Variants in TLL1 observed in about 807,000 individuals in gnomAD.
TLL1 encodes the protein tolloid-like protein 1.
Under a neutral mutation model 128.2 loss-of-function variants are expected in TLL1, and 49 were observed. The observed-to-expected ratio is 0.38, with a 90% confidence interval of 0.30 to 0.48. TLL1 has a LOEUF of 0.48. Ranked by LOEUF, TLL1 falls within the 20% of genes least tolerant of loss-of-function variation. The probability of loss-of-function intolerance (pLI) is 0.96; values close to 1 mark genes in which losing one functional copy is unlikely to be tolerated. For synonymous variants in TLL1, 454 were observed against 418.8 expected, an observed-to-expected ratio of 1.08 and a Z score of -1.03; for missense variants, 1,123 against 1,242.0, an observed-to-expected ratio of 0.90 and a Z score of 1.44.
At chr4:165,979,145 A>C (rs532082573) in intron 1 of TLL1, among the ~76,000 whole-genome samples, 1 of 152,264 alleles carries the variant, frequency 6.6e-6, no homozygotes, top group South Asian at 2.1e-4. Flanking sequence ...TTTCTAAAAA[A>C]GGTGTATACA....
At chr4:166,062,554 T>G (rs1367877488) in intron 15 of TLL1, among the ~76,000 whole-genome samples, 1 of 152,208 alleles carries the variant, frequency 6.6e-6, no homozygotes, top group Non-Finnish European at 1.5e-5. Context: ...CTTGTGATTT[T>G]TGCACATTGA....
rs140912105 is a variant in TLL1 at position 165,953,502 on chromosome 4, G to A, written c.170-35879G>A. Among the ~76,000 whole-genome samples, 536 of 150,734 alleles carry A rather than the reference G, an allele frequency of 3.6e-3. 7 individuals carry two copies. The highest frequency in any genetic ancestry group is 0.012 in the African/African-American group (503 of 41,084). On this transcript the variant is annotated intron_variant, in intron 1 of 20. Transcript: ENST00000061240. ...CACCTCATGCTGCAGCATCCAGCTG[G>A]TTTTGTTGTTGTTGCTTTCCATTTG...
At chr4:165,893,965 T>G (rs1731540540) in intron 1 of TLL1, among the ~76,000 whole-genome samples, 1 of 152,182 alleles carries the variant, frequency 6.6e-6, no homozygotes, top group African/African-American at 2.4e-5. Flanking sequence ...ATTGTTGTCT[T>G]GCACCCAATT....
intron 6 of TLL1, among the ~76,000 whole-genome samples, chr4:166,005,320 A>T (rs544140274): frequency 7.2e-5 from 11 of 152,144 alleles, no homozygotes; most frequent in Middle Eastern, 6.8e-3. Context: ...GTATCTAAAG[A>T]TAAAAAATTG....
intron 1 of TLL1, among the ~76,000 whole-genome samples, chr4:165,972,944 C>A (rs1361523928): frequency 6.7e-6 from 1 of 149,456 alleles, no homozygotes; most frequent in Admixed American, 6.7e-5. Context: ...ATCTGATGGG[C>A]ATTCTGGCTG....
chr4:165,977,836 A>G (rs536951927), intron 1 of TLL1, among the ~76,000 whole-genome samples: 1 of 152,298 alleles, frequency 6.6e-6, no homozygotes, highest in African/African-American at 2.4e-5. Context: ...CCAAAACGTA[A>G]ATACAAATGT....
chr4:165,883,189 A>G (rs1178206566), intron 1 of TLL1, among the ~76,000 whole-genome samples: 1 of 152,156 alleles, frequency 6.6e-6, no homozygotes, highest in Non-Finnish European at 1.5e-5. Flanking sequence ...CTTGTATTGA[A>G]TGGCACGTGT....
At chr4:165,946,191 G>C (rs1734240227) in intron 1 of TLL1, among the ~76,000 whole-genome samples, 1 of 152,124 alleles carries the variant, frequency 6.6e-6, no homozygotes, top group African/African-American at 2.4e-5. Flanking sequence ...GAGCTTGGGA[G>C]CTGAGCCTTT....
chr4:165,907,679 G>A (rs923516202), intron 1 of TLL1, among the ~76,000 whole-genome samples: 1 of 151,794 alleles, frequency 6.6e-6, no homozygotes, highest in African/African-American at 2.4e-5. Flanking sequence ...CTCCCGAGTA[G>A]CTGGGATTAC....
chr4:165,999,001 A>C (rs966208451), intron 5 of TLL1, among the ~76,000 whole-genome samples: 1 of 152,100 alleles, frequency 6.6e-6, no homozygotes, highest in Non-Finnish European at 1.5e-5. Flanking sequence ...AAGCAGAAAA[A>C]ACGATTTATT....
intron 1 of TLL1, among the ~76,000 whole-genome samples, chr4:165,891,813 T>C (rs541443747): frequency 5.9e-5 from 9 of 152,342 alleles, no homozygotes; most frequent in African/African-American, 1.9e-4. Context: ...TTTCCTATCT[T>C]CTTCTGAGCC....
At chr4:166,066,796 C>T (rs1740594701) in intron 16 of TLL1, among the ~76,000 whole-genome samples, 1 of 151,714 alleles carries the variant, frequency 6.6e-6, no homozygotes, top group Non-Finnish European at 1.5e-5. Flanking sequence ...CTCCCGTGTT[C>T]TCATTCCCTT....
chr4:165,982,849 A>G (rs1736213595), intron 1 of TLL1, among the ~76,000 whole-genome samples: 1 of 151,808 alleles, frequency 6.6e-6, no homozygotes, highest in Admixed American at 6.6e-5. Flanking sequence ...TAATTCAAAA[A>G]GACGTATCAG....
intron 1 of TLL1, among the ~76,000 whole-genome samples, chr4:165,933,302 G>A (rs1026310174): frequency 3.3e-5 from 5 of 152,064 alleles, no homozygotes; most frequent in African/African-American, 9.7e-5. Flanking sequence ...GGTCTTGTGG[G>A]GAGAGGACGC....
At chr4:165,957,701 CTTT>C (rs568454587) in intron 1 of TLL1, among the ~76,000 whole-genome samples, 3 of 135,840 alleles carry the variant, frequency 2.2e-5, no homozygotes, top group East Asian at 2.2e-4. Context: ...TTGGATCATT[CTTT>C]TTTTTTTTTT....
At chr4:165,900,327 C>T (rs1416827280) in intron 1 of TLL1, among the ~76,000 whole-genome samples, 4 of 152,014 alleles carry the variant, frequency 2.6e-5, no homozygotes, top group African/African-American at 7.3e-5. Flanking sequence ...TTCTTCATAG[C>T]GTCAATGGTC....
chr4:166,001,071 A>C (rs1412529294), intron 5 of TLL1, among the ~76,000 whole-genome samples: 3 of 152,174 alleles, frequency 2.0e-5, no homozygotes, highest in Non-Finnish European at 4.4e-5. Context: ...ATATTTGTGG[A>C]AAATCAAAAG....
chr4:165,914,053 T>C (rs1245512269), intron 1 of TLL1, among the ~76,000 whole-genome samples: 1 of 151,978 alleles, frequency 6.6e-6, no homozygotes, highest in African/African-American at 2.4e-5. Flanking sequence ...ATGTAGTAAG[T>C]CTCTAGAATC....
Position 166,057,302 on chromosome 4 carries a change from C to T in TLL1, c.1839C>T (p.Ser613=), listed in dbSNP as rs756552547. 253 of 1,613,662 alleles carry T rather than the reference C, an allele frequency of 1.6e-4. No homozygotes were observed. Among genetic ancestry groups the T allele is most frequent in the Non-Finnish European group, 7.7e-5 (91 of 1,179,916 alleles). ...PGYELGPDRR[S]CEAACGGLLT... ...ATGAGCTGGGCCCAGACAGAAGGAG[C>T]TGTGAAGGTATGACTGCACTCCTTC... The change falls in exon 14 of 21, where the codon AGC becomes AGT. Residue 613 remains serine, a synonymous_variant. Transcript: ENST00000061240.
Sources: allele counts gnomAD v4.1 joint callset (sites outside exome capture counted in the v4.1 genomes callset), GRCh38; gene constraint gnomAD v4.1.1; transcripts MANE v1.5; gene names NCBI Gene and HGNC (gene_info 2026-07-23, HGNC 2026-07-21).